The following OPCML variants were observed in gnomAD, a reference collection of about 807,000 sequenced individuals.
OPCML encodes opioid binding protein/cell adhesion molecule like.
A neutral mutation model predicts 37.8 loss-of-function variants in OPCML; 13 were observed. The ratio of observed to expected loss-of-function variants is 0.34; its 90% CI spans 0.22 to 0.55. The LOEUF (loss-of-function observed/expected upper bound fraction) is 0.55, where lower values mean the gene tolerates loss of function less well. Ranked by LOEUF, OPCML falls within the 20% of genes least tolerant of loss-of-function variation. The probability of loss-of-function intolerance (pLI) is 0.91; values close to 1 mark genes in which losing one functional copy is unlikely to be tolerated. For synonymous variants in OPCML, 176 were observed against 168.8 expected (o/e 1.04, Z -0.33); for missense variants, 341 against 435.6 (o/e 0.78, Z 1.93).
chr11:133,417,735 C>G (rs1945799759), intron 1 of OPCML, among the ~76,000 whole-genome samples: 1 of 151,482 alleles, frequency 6.6e-6, no homozygotes, highest in Non-Finnish European at 1.5e-5. Context: ...ACGTCTATAC[C>G]CTTGTTACTA....
chr11:132,694,652 C>T (rs73051168), intron 2 of OPCML, among the ~76,000 whole-genome samples: 1 of 152,126 alleles, frequency 6.6e-6, no homozygotes. Context: ...TCTAAGAGAA[C>T]CTCAGAGCTG....
chr11:133,209,835 C>T (rs1203332703), intron 1 of OPCML, among the ~76,000 whole-genome samples: 2 of 152,284 alleles, frequency 1.3e-5, no homozygotes. Context: ...TATGAGAAAA[C>T]ATAATGTATC....
intron 3 of OPCML, among the ~76,000 whole-genome samples, chr11:132,573,593 G>T (rs2096443352): frequency 6.6e-6 from 1 of 151,818 alleles, no homozygotes; most frequent in African/African-American, 2.4e-5. Context: ...ACTTGGTTGT[G>T]GTGCATGATG....
chr11:133,362,593 T>C (rs1360426442), intron 1 of OPCML, among the ~76,000 whole-genome samples: 3 of 152,178 alleles, frequency 2.0e-5, no homozygotes, highest in Admixed American at 6.5e-5. Context: ...CTGATGGAGA[T>C]AAATGGAACG....
chr11:133,370,133 C>T (rs908525711), intron 1 of OPCML, among the ~76,000 whole-genome samples: 7 of 152,234 alleles, frequency 4.6e-5, no homozygotes, highest in Admixed American at 1.3e-4. Flanking sequence ...TGTCAATGCT[C>T]AATAAGCTTG....
At chr11:132,725,646 C>A (rs568111159) in intron 2 of OPCML, among the ~76,000 whole-genome samples, 1 of 152,208 alleles carries the variant, frequency 6.6e-6, no homozygotes, top group South Asian at 2.1e-4. Flanking sequence ...CTCTGCTTCA[C>A]TTGTAAAACT....
At chr11:133,170,998 C>A (rs1950281313) in intron 1 of OPCML, among the ~76,000 whole-genome samples, 1 of 152,188 alleles carries the variant, frequency 6.6e-6, no homozygotes, top group African/African-American at 2.4e-5. Context: ...GACAGGATCC[C>A]AGATAGACTG....
intron 4 of OPCML, among the ~76,000 whole-genome samples, chr11:132,455,572 T>G (rs1432428433): frequency 6.6e-6 from 1 of 152,208 alleles, no homozygotes; most frequent in Non-Finnish European, 1.5e-5. Context: ...TTGTTTACAT[T>G]TGTTCATCTT....
chr11:133,005,619 G>A (rs530815101), intron 1 of OPCML: 156 of 983,358 alleles, frequency 1.6e-4, no homozygotes, highest in African/African-American at 6.6e-4. Flanking sequence ...CCTTCACACC[G>A]CCCTTTCTGA....
intron 1 of OPCML, among the ~76,000 whole-genome samples, chr11:133,484,244 G>A (rs1038060767): frequency 1.3e-5 from 2 of 152,070 alleles, no homozygotes; most frequent in Admixed American, 6.6e-5. Context: ...TTCTTTACAG[G>A]GGGATGGCAG....
chr11:133,475,644 C>T (rs539992341), intron 1 of OPCML, among the ~76,000 whole-genome samples: 1 of 151,878 alleles, frequency 6.6e-6, no homozygotes, highest in East Asian at 1.9e-4. Flanking sequence ...CTCTCTCTCT[C>T]TTTTTCTTAG....
intron 2 of OPCML, among the ~76,000 whole-genome samples, chr11:132,813,275 A>G (rs144212459): frequency 3.9e-5 from 6 of 152,340 alleles, no homozygotes; most frequent in Admixed American, 3.9e-4. Context: ...CAGTGTCTCA[A>G]TTATAACTAG....
At chr11:133,319,068 G>A (rs566042177) in intron 1 of OPCML, among the ~76,000 whole-genome samples, 1 of 152,222 alleles carries the variant, frequency 6.6e-6, no homozygotes, top group East Asian at 1.9e-4. Flanking sequence ...AGGCCACGCA[G>A]CTAATATTGA....
chr11:132,638,929 T>C (rs1364891460), intron 3 of OPCML, among the ~76,000 whole-genome samples: 1 of 152,200 alleles, frequency 6.6e-6, no homozygotes, highest in Non-Finnish European at 1.5e-5. Context: ...TACTGCATTG[T>C]CATAGTCTCA....
At chr11:133,164,921 AAG>A (rs1244762789) in intron 1 of OPCML, among the ~76,000 whole-genome samples, 4 of 152,212 alleles carry the variant, frequency 2.6e-5, no homozygotes, top group Non-Finnish European at 4.4e-5. Context: ...GAGGGGAGAA[AAG>A]AGTCTTTCAA....
At chr11:133,003,410 T>C (rs1475393370) in intron 1 of OPCML, among the ~76,000 whole-genome samples, 1 of 152,120 alleles carries the variant, frequency 6.6e-6, no homozygotes, top group East Asian at 1.9e-4. Context: ...TTCAAATCTC[T>C]CTCTGCTGTC....
intron 4 of OPCML, among the ~76,000 whole-genome samples, chr11:132,440,953 T>A (rs1200422449): frequency 6.6e-6 from 1 of 152,046 alleles, no homozygotes; most frequent in East Asian, 1.9e-4. Flanking sequence ...AGGCAATCAA[T>A]GTTTTAATCC....
intron 1 of OPCML, among the ~76,000 whole-genome samples, chr11:133,216,018 G>A (rs1217428442): frequency 6.6e-6 from 1 of 152,098 alleles, no homozygotes; most frequent in Non-Finnish European, 1.5e-5. Context: ...AGGTGGGCAG[G>A]CAGTACAGAA....
At chr11:132,553,231 C>T (rs1467324254) in intron 3 of OPCML, among the ~76,000 whole-genome samples, 3 of 152,184 alleles carry the variant, frequency 2.0e-5, no homozygotes, top group Non-Finnish European at 4.4e-5. Flanking sequence ...TTTATAATCC[C>T]AGGTACCAAG....
Sources: allele counts gnomAD v4.1 joint callset (sites outside exome capture counted in the v4.1 genomes callset), GRCh38; gene constraint gnomAD v4.1.1; transcripts MANE v1.5; gene names NCBI Gene and HGNC (gene_info 2026-07-23, HGNC 2026-07-21).